ZNF423: variants seen among roughly 807,000 people sequenced by gnomAD.
The protein encoded by ZNF423 is Ebf-associated zinc finger protein.
ZNF423 carries 12 observed loss-of-function variants against 95.8 expected under a neutral mutation model. That is an observed-to-expected ratio of 0.13 (90% CI 0.08 to 0.20). The LOEUF is 0.20. Ranked by LOEUF, ZNF423 falls within the 10% of genes least tolerant of loss-of-function variation. The pLI, the probability that ZNF423 is intolerant of heterozygous loss-of-function variation, is 1.00. For synonymous variants in ZNF423, 749 were observed against 711.9 expected, an observed-to-expected ratio of 1.05 and a Z score of -0.83; for missense variants, 1,316 against 1,737.1, an observed-to-expected ratio of 0.76 and a Z score of 4.31.
chr16:49,787,345 T>C (rs2034331858), intron 2 of ZNF423, among the ~76,000 whole-genome samples: 1 of 151,728 alleles, frequency 6.6e-6, no homozygotes, highest in Non-Finnish European at 1.5e-5. Context: ...AACAAAACAA[T>C]TCCTGGCCTG....
intron 3 of ZNF423, among the ~76,000 whole-genome samples, chr16:49,658,940 C>T (rs1296468159): frequency 1.3e-5 from 2 of 152,264 alleles, no homozygotes; most frequent in Non-Finnish European, 2.9e-5. Flanking sequence ...CATCTGTGTG[C>T]CTCATTATGT....
intron 5 of ZNF423, among the ~76,000 whole-genome samples, chr16:49,533,625 G>A (rs948973200): frequency 6.6e-6 from 1 of 152,228 alleles, no homozygotes; most frequent in African/African-American, 2.4e-5. Flanking sequence ...AAACAGGACA[G>A]CTCAGCGGAC....
intron 5 of ZNF423, among the ~76,000 whole-genome samples, chr16:49,609,965 A>C (rs1971670744): frequency 1.3e-5 from 2 of 152,238 alleles, no homozygotes; most frequent in African/African-American, 4.8e-5. Flanking sequence ...ATACACAGTG[A>C]AAAAATAATT....
intron 5 of ZNF423, among the ~76,000 whole-genome samples, chr16:49,590,048 A>ATC (rs1970961754): frequency 7.0e-6 from 1 of 143,396 alleles, no homozygotes; most frequent in Admixed American, 6.9e-5. Flanking sequence ...ATATATATAT[A>ATC]TATTTGGTCC....
intron 3 of ZNF423, among the ~76,000 whole-genome samples, chr16:49,710,801 C>T (rs1028113440): frequency 1.3e-5 from 2 of 152,206 alleles, no homozygotes; most frequent in African/African-American, 4.8e-5. Flanking sequence ...GTTTAATTCC[C>T]GAGGGGCTTG....
At chr16:49,698,374 A>C (rs2032052471) in intron 3 of ZNF423, among the ~76,000 whole-genome samples, 1 of 152,052 alleles carries the variant, frequency 6.6e-6, no homozygotes, top group South Asian at 2.1e-4. Flanking sequence ...TGGGGGAATT[A>C]ATTGCCAAGA....
chr16:49,529,276 G>C (rs1968748439), intron 5 of ZNF423, among the ~76,000 whole-genome samples: 1 of 151,720 alleles, frequency 6.6e-6, no homozygotes, highest in African/African-American at 2.4e-5. Flanking sequence ...CCCATAAGTC[G>C]AGGCTGGCAC....
At chr16:49,546,060 T>C (rs1395230050) in intron 5 of ZNF423, among the ~76,000 whole-genome samples, 1 of 152,194 alleles carries the variant, frequency 6.6e-6, no homozygotes, top group East Asian at 1.9e-4. Flanking sequence ...GTGCAAAGCA[T>C]AGAGCCAGGT....
In ZNF423 at chr16:49,808,929, G is replaced by A. The variant is rs116433070; in HGVS notation, c.41-19383C>T. Reference sequence around the variant, plus strand: ...CAGGGGAAGCCAAGCCAGAAGACACGGCCTCAGAAAGGTTCAGCAATGGGA... The same window carrying A: ...CAGGGGAAGCCAAGCCAGAAGACACAGCCTCAGAAAGGTTCAGCAATGGGA... On this transcript the variant is annotated intron_variant, in intron 1 of 7. Coordinates refer to ENST00000563137, the MANE Select transcript of ZNF423 (RefSeq NM_001379286.1). Among the ~76,000 whole-genome samples the A allele has an allele frequency of 2.6e-3, 389 of 152,212 alleles. 3 individuals are homozygous for A. The highest frequency in any genetic ancestry group is 8.3e-3 in the African/African-American group (344 of 41,514).
rs565767006 is a variant in ZNF423, at chr16:49,720,263, C to T, written c.301+10508G>A. On this transcript the variant is annotated intron_variant, in intron 3 of 7. Transcript: ENST00000563137. ...GGTCCAGTGCAAACAGTGTGAGGTC[C>T]GTGGGTCTGGAGACCTCAAAGACAG... Among the ~76,000 whole-genome samples, 7 of 152,310 alleles carry T rather than the reference C, an allele frequency of 4.6e-5. No individual in the cohort carries two copies. In the South Asian group the frequency reaches 1.0e-3, roughly 23 times the overall value.
intron 2 of ZNF423, among the ~76,000 whole-genome samples, chr16:49,760,737 T>C (rs911642510): frequency 7.2e-5 from 11 of 152,040 alleles, no homozygotes; most frequent in Non-Finnish European, 1.5e-4. Context: ...GACCTGGACC[T>C]GACTCTTGAT....
chr16:49,838,728 G>GCAGAACAAGC (rs1462287565), intron 1 of ZNF423, among the ~76,000 whole-genome samples: 1 of 151,874 alleles, frequency 6.6e-6, no homozygotes, highest in Non-Finnish European at 1.5e-5. Context: ...GGCCCGCGGC[G>GCAGAACAAGC]CAGAACAAGC....
intron 7 of ZNF423, among the ~76,000 whole-genome samples, chr16:49,491,577 G>A (rs2151641128): frequency 7.0e-6 from 1 of 142,634 alleles, no homozygotes; most frequent in South Asian, 2.2e-4. Context: ...GACCATTCAG[G>A]TCTTACCGGG....
intron 1 of ZNF423, among the ~76,000 whole-genome samples, chr16:49,809,116 G>A (rs955326304): frequency 5.3e-5 from 8 of 152,248 alleles, no homozygotes; most frequent in East Asian, 1.9e-4. Context: ...TTCATTTTCC[G>A]CGTGTCCTGC....
At chr16:49,700,629 G>A (rs78980724) in intron 3 of ZNF423, among the ~76,000 whole-genome samples, 3 of 152,222 alleles carry the variant, frequency 2.0e-5, no homozygotes, top group Non-Finnish European at 2.9e-5. Flanking sequence ...GAACGCAGCC[G>A]CCAGCGCCCT....
chr16:49,631,715 G>A (rs1420971444), intron 4 of ZNF423, among the ~76,000 whole-genome samples: 3 of 152,346 alleles, frequency 2.0e-5, no homozygotes, highest in Admixed American at 6.5e-5. Context: ...AGGAAGGAGA[G>A]AAGGAAAAGC....
chr16:49,509,686 C>G (rs1435719286), intron 7 of ZNF423, among the ~76,000 whole-genome samples: 2 of 152,150 alleles, frequency 1.3e-5, no homozygotes, highest in Non-Finnish European at 2.9e-5. Context: ...CCCCAGCCTC[C>G]TGATGCAGGC....
At chr16:49,743,784 C>G (rs540047363) in intron 2 of ZNF423, among the ~76,000 whole-genome samples, 2 of 152,252 alleles carry the variant, frequency 1.3e-5, no homozygotes, top group East Asian at 1.9e-4. Context: ...AGCCCCCTCT[C>G]CCTCCAGTCG....
rs768539056 is a variant in ZNF423 at position 49,636,628 on chromosome 16, C to T, written c.2548G>A (p.Ala850Thr). 50 of 1,613,854 alleles carry T rather than the reference C, an allele frequency of 3.1e-5. No individual in the cohort carries two copies. The Middle Eastern group carries it at 6.6e-4, about 21-fold the overall frequency. ...GTGGCCATTGGGGGTACCCCATTGG[C>T]CGTGCCGTTCTCGGTCGCAGCATCA... ...VFDAATENGT[A>T]NGVPPMATKK... Residue 850 changes from alanine to threonine, a missense_variant, in exon 4 of 8, where the codon GCC becomes ACC. Coordinates refer to ENST00000563137, the MANE Select transcript of ZNF423 (RefSeq NM_001379286.1). This position sits in a 1 kb window ranked among gnomAD's most constrained non-coding sequence, Gnocchi z 8.6.
Sources: allele counts gnomAD v4.1 joint callset (sites outside exome capture counted in the v4.1 genomes callset), GRCh38; gene constraint gnomAD v4.1.1; non-coding constraint Gnocchi (gnomAD v3.1); transcripts MANE v1.5; gene names NCBI Gene and HGNC (gene_info 2026-07-23, HGNC 2026-07-21).